EGFLAM: variants seen among roughly 807,000 people sequenced by gnomAD.
EGFLAM encodes EGF like, fibronectin type III and laminin G domains, also known as pikachurin.
EGFLAM carries 79 observed loss-of-function variants against 113.1 expected under a neutral mutation model. The ratio of observed to expected loss-of-function variants is 0.70; its 90% CI spans 0.58 to 0.84. The LOEUF is 0.84. Ranked by LOEUF, EGFLAM falls within the 40% of genes least tolerant of loss-of-function variation. EGFLAM has a pLI of 0.00. For synonymous variants in EGFLAM, 504 were observed against 487.6 expected (o/e 1.03, Z -0.44); for missense variants, 1,265 against 1,291.6 (o/e 0.98, Z 0.32).
At chr5:38,393,292 C>G (rs1740864712) in intron 6 of EGFLAM, among the ~76,000 whole-genome samples, 1 of 152,026 alleles carries the variant, frequency 6.6e-6, no homozygotes, top group South Asian at 2.1e-4. Flanking sequence ...AGTAATTTTT[C>G]TCCATTATGG....
intron 1 of EGFLAM, among the ~76,000 whole-genome samples, chr5:38,313,467 T>C (rs930700326): frequency 6.6e-6 from 1 of 152,184 alleles, no homozygotes; most frequent in African/African-American, 2.4e-5. Context: ...GAGATGAACA[T>C]GCTCGTGCAT....
intron 1 of EGFLAM, among the ~76,000 whole-genome samples, chr5:38,263,359 G>A (rs1485461373): frequency 1.3e-5 from 2 of 152,178 alleles, no homozygotes; most frequent in African/African-American, 4.8e-5. Context: ...CTACTTGGGA[G>A]GCTGAGGCAC....
chr5:38,310,673 C>T (rs1054193660), intron 1 of EGFLAM, among the ~76,000 whole-genome samples: 7 of 151,852 alleles, frequency 4.6e-5, no homozygotes, highest in African/African-American at 7.3e-5. Context: ...ATATTAAGGC[C>T]ATTATCCATA....
intron 1 of EGFLAM, among the ~76,000 whole-genome samples, chr5:38,275,884 G>A (rs1282319975): frequency 6.6e-6 from 1 of 152,072 alleles, no homozygotes; most frequent in Admixed American, 6.5e-5. Context: ...AGACCACAAT[G>A]GCATAAAACT....
intron 1 of EGFLAM, among the ~76,000 whole-genome samples, chr5:38,333,786 C>T (rs1739112092): frequency 2.0e-5 from 3 of 152,180 alleles, no homozygotes; most frequent in Admixed American, 2.0e-4. Context: ...TTTTGCTGTG[C>T]AGAAGCTCTT....
intron 6 of EGFLAM, among the ~76,000 whole-genome samples, chr5:38,390,565 T>C (rs879892401): frequency 6.6e-6 from 1 of 152,246 alleles, no homozygotes; most frequent in Non-Finnish European, 1.5e-5. Context: ...CTCTACTACC[T>C]ATTATAAAAT....
chr5:38,438,660 T>C (rs547271440), intron 17 of EGFLAM, among the ~76,000 whole-genome samples: 7 of 152,230 alleles, frequency 4.6e-5, no homozygotes, highest in African/African-American at 7.2e-5. Context: ...GAAATACTTC[T>C]GCTAACAGTG....
At chr5:38,311,204 T>C (rs1738432746) in intron 1 of EGFLAM, among the ~76,000 whole-genome samples, 1 of 152,192 alleles carries the variant, frequency 6.6e-6, no homozygotes, top group Non-Finnish European at 1.5e-5. Flanking sequence ...ATCATTTATT[T>C]GTGGTGAGAA....
At chr5:38,462,850 TTGAA>T (rs1286081658) in intron 20 of EGFLAM, 54 bp from the exon 21 acceptor site, 1 of 1,568,670 alleles carries the variant, frequency 6.4e-7, no homozygotes, top group African/African-American at 1.3e-5. Context: ...GAATGAATGA[TTGAA>T]TGAACTCCAA....
chr5:38,383,099 G>T (rs1044322816), intron 6 of EGFLAM, among the ~76,000 whole-genome samples: 7 of 152,192 alleles, frequency 4.6e-5, no homozygotes, highest in Non-Finnish European at 1.0e-4. Flanking sequence ...CTTGAGAGCA[G>T]CTCCATTAGA....
intron 18 of EGFLAM, among the ~76,000 whole-genome samples, chr5:38,449,238 C>T (rs748497111): frequency 3.9e-5 from 6 of 152,126 alleles, no homozygotes; most frequent in Non-Finnish European, 7.4e-5. Flanking sequence ...AATCTTTAAG[C>T]GAAAGGCATC....
intron 6 of EGFLAM, among the ~76,000 whole-genome samples, chr5:38,393,568 A>C (rs1196940240): frequency 1.3e-5 from 2 of 152,232 alleles, no homozygotes; most frequent in Non-Finnish European, 2.9e-5. Flanking sequence ...AAACAATAAT[A>C]AAACAGTAAT....
chr5:38,454,010 C>G (rs929366874), intron 19 of EGFLAM, among the ~76,000 whole-genome samples: 2 of 152,170 alleles, frequency 1.3e-5, no homozygotes, highest in South Asian at 4.1e-4. Context: ...TGTTTTTCTT[C>G]CAATCCTGGA....
chr5:38,355,627 A>G (rs1561291247), intron 5 of EGFLAM, among the ~76,000 whole-genome samples: 1 of 152,240 alleles, frequency 6.6e-6, no homozygotes, highest in Non-Finnish European at 1.5e-5. Context: ...TTTGAGTAAG[A>G]AAAAGCTGTG....
chr5:38,449,865 G>C lies in EGFLAM; in HGVS notation c.2544-1450G>C, dbSNP rs571946994. On this transcript the variant is annotated intron_variant, in intron 18 of 21. Coordinates refer to ENST00000322350, the MANE Select transcript of EGFLAM (RefSeq NM_152403.4). Reference sequence around the variant, plus strand: ...TCACAAGGAGTCCAGACTTACACTGGATCTTGGGTTGATTAATTAAGAGAA... The same window carrying C: ...TCACAAGGAGTCCAGACTTACACTGCATCTTGGGTTGATTAATTAAGAGAA... Among the ~76,000 whole-genome samples, 7 of 152,202 alleles carry C rather than the reference G, an allele frequency of 4.6e-5. No individual in the cohort carries two copies. In the South Asian group the frequency reaches 1.2e-3, roughly 27 times the overall value.
chr5:38,436,457 C>T (rs1429670031), intron 16 of EGFLAM, among the ~76,000 whole-genome samples: 1 of 152,128 alleles, frequency 6.6e-6, no homozygotes, highest in Non-Finnish European at 1.5e-5. Context: ...AGTGTCAGGC[C>T]CAGTCAACAT....
At chr5:38,400,280 G>GT (rs778297181) in intron 6 of EGFLAM, among the ~76,000 whole-genome samples, 56 of 152,128 alleles carry the variant, frequency 3.7e-4, no homozygotes, top group South Asian at 8.3e-4. Context: ...CAAAGCACAG[G>GT]TTTTTTTATA....
intron 19 of EGFLAM, among the ~76,000 whole-genome samples, chr5:38,456,286 C>A (rs1426931680): frequency 6.6e-6 from 1 of 152,162 alleles, no homozygotes; most frequent in African/African-American, 2.4e-5. Context: ...GGTCACAGAG[C>A]TGTTAACTAG....
chr5:38,419,110 C>G (rs549236911), intron 12 of EGFLAM, among the ~76,000 whole-genome samples: 3 of 152,172 alleles, frequency 2.0e-5, no homozygotes. Context: ...TCCATGTGTG[C>G]ACACCCCTGG....
Sources: gnomAD v4.1 joint callset for allele counts (sites outside exome capture counted in the v4.1 genomes callset) on GRCh38, gnomAD v4.1.1 for gene constraint, MANE v1.5 for transcripts, NCBI Gene and HGNC (gene_info 2026-07-23, HGNC 2026-07-21) for gene names.